Variants in ATP2C2 observed in about 807,000 individuals in gnomAD.
The protein encoded by ATP2C2 is calcium-transporting ATPase type 2C member 2.
Under a neutral mutation model 110.8 loss-of-function variants are expected in ATP2C2, and 171 were observed. The ratio of observed to expected loss-of-function variants is 1.54; its 90% CI spans 1.36 to 1.75. The LOEUF (loss-of-function observed/expected upper bound fraction) is 1.75, where lower values mean the gene tolerates loss of function less well. ATP2C2 is among the 40% of genes most tolerant of loss of function. ATP2C2 has a pLI of 0.00. For synonymous variants in ATP2C2, 804 were observed against 508.4 expected (o/e 1.58, Z -7.82); for missense variants, 1,963 against 1,235.0 (o/e 1.59, Z -8.84).
chr16:84,446,068 T>C (rs1022855505), intron 15 of ATP2C2, among the ~76,000 whole-genome samples: 1 of 152,098 alleles, frequency 6.6e-6, no homozygotes, highest in African/African-American at 2.4e-5. Context: ...GCAGAAACAC[T>C]GCAGGTTTGT....
chr16:84,434,765 G>A (rs997850691), intron 11 of ATP2C2, among the ~76,000 whole-genome samples: 6 of 151,930 alleles, frequency 3.9e-5, no homozygotes, highest in African/African-American at 7.3e-5. Flanking sequence ...TGTTCCATCC[G>A]TTTCTGCGTT....
chr16:84,424,154 G>A (rs942572315), intron 10 of ATP2C2, among the ~76,000 whole-genome samples: 2 of 152,232 alleles, frequency 1.3e-5, no homozygotes, highest in African/African-American at 4.8e-5. Flanking sequence ...GCTGGTGAGT[G>A]TAGCCAAAAC....
intron 11 of ATP2C2, among the ~76,000 whole-genome samples, chr16:84,437,053 C>G (rs416992): frequency 0.36 from 54,733 of 152,048 alleles, 10,194 homozygotes; most frequent in Non-Finnish European, 0.4. Context: ...TGAGCCGCCA[C>G]ACCCGGCCTT....
rs937822624 is a variant in ATP2C2 at position 84,449,490 on chromosome 16, A to G, written c.1660+801A>G. On this transcript the variant is annotated intron_variant, in intron 17 of 26. Transcript: ENST00000262429. ...GTAAATACTGTGCCTCAGTTTCCCC[A>G]TATGCCTAAGGAAGGCAGGAGAGCA... Among the ~76,000 whole-genome samples the G allele has an allele frequency of 5.9e-5, 9 of 152,194 alleles. No individual in the cohort carries two copies. In the East Asian group the frequency reaches 1.3e-3, roughly 23 times the overall value.
intron 24 of ATP2C2, 45 bp downstream of exon 24, chr16:84,460,846 T>G: frequency 1.9e-6 from 3 of 1,567,492 alleles, no homozygotes; most frequent in Non-Finnish European, 1.7e-6. Flanking sequence ...CCTGGTGCGG[T>G]GCAGACGCTG....
chr16:84,412,336 G>A (rs1029920752), intron 6 of ATP2C2, among the ~76,000 whole-genome samples: 8 of 132,868 alleles, frequency 6.0e-5, no homozygotes, highest in African/African-American at 2.2e-4. Context: ...GTGTGTGTCT[G>A]TATGCGTGTG....
intron 16 of ATP2C2, 99 bp downstream of exon 16, chr16:84,446,529 T>A: frequency 1.3e-6 from 1 of 784,514 alleles, no homozygotes; most frequent in Non-Finnish European, 2.0e-6. Context: ...TGAAAGTTCC[T>A]GGCTGCTTCT....
chr16:84,401,822 T>C (rs574663017), intron 2 of ATP2C2, among the ~76,000 whole-genome samples: 1 of 152,340 alleles, frequency 6.6e-6, no homozygotes, highest in Admixed American at 6.5e-5. Flanking sequence ...GGGTCTTTTG[T>C]GGTTCCATAT....
intron 11 of ATP2C2, among the ~76,000 whole-genome samples, chr16:84,435,622 T>C (rs1302631076): frequency 6.6e-6 from 1 of 152,146 alleles, no homozygotes; most frequent in East Asian, 1.9e-4. Context: ...GCCCAGAAGT[T>C]CAAGACCAGC....
intron 1 of ATP2C2, among the ~76,000 whole-genome samples, chr16:84,395,591 C>A (rs1299042678): frequency 6.6e-6 from 1 of 151,912 alleles, no homozygotes; most frequent in East Asian, 1.9e-4. Flanking sequence ...TCATTGCAAC[C>A]TCCGCCTTCC....
At chr16:84,391,798 A>C (rs924829386) in intron 1 of ATP2C2, among the ~76,000 whole-genome samples, 1 of 152,160 alleles carries the variant, frequency 6.6e-6, no homozygotes, top group African/African-American at 2.4e-5. Flanking sequence ...TGTTTGTTAC[A>C]GCCGTGGAGA....
chr16:84,390,540 C>A (rs1904591260), intron 1 of ATP2C2, among the ~76,000 whole-genome samples: 1 of 152,160 alleles, frequency 6.6e-6, no homozygotes, highest in Non-Finnish European at 1.5e-5. Flanking sequence ...CCAAAGGAGG[C>A]ACAGACACAG....
At chr16:84,393,274 C>T (rs990866559) in intron 1 of ATP2C2, among the ~76,000 whole-genome samples, 1 of 152,188 alleles carries the variant, frequency 6.6e-6, no homozygotes, top group African/African-American at 2.4e-5. Context: ...CCCCCGGGCC[C>T]CTATGCATTC....
chr16:84,428,451 A>G (rs1907976883), intron 11 of ATP2C2, among the ~76,000 whole-genome samples: 1 of 152,236 alleles, frequency 6.6e-6, no homozygotes, highest in African/African-American at 2.4e-5. Context: ...TTTTTGAGTT[A>G]ATGGGAATTG....
chr16:84,372,205 C>A (rs894548444), intron 1 of ATP2C2, among the ~76,000 whole-genome samples: 1 of 152,110 alleles, frequency 6.6e-6, no homozygotes, highest in Admixed American at 6.5e-5. Context: ...GATAGTCACT[C>A]ATTTATTCCC....
chr16:84,406,555 C>T lies in ATP2C2; in HGVS notation c.327+1311C>T, dbSNP rs1416877916. ...CCCTGGGCAGCATCCTCTGTCTCCACTCTCCTTGAGGTCCCCTCCCTGATC... is the reference window on the plus strand; with the variant it reads ...CCCTGGGCAGCATCCTCTGTCTCCATTCTCCTTGAGGTCCCCTCCCTGATC... On this transcript the variant is annotated intron_variant, in intron 3 of 26. Coordinates refer to ENST00000262429, the MANE Select transcript of ATP2C2 (RefSeq NM_014861.4). The T allele has an allele frequency of 4.1e-6, 4 of 979,914 alleles. No homozygotes were observed. In the African/African-American group the frequency reaches 5.3e-5, roughly 13 times the overall value. 60.7% of individuals were successfully genotyped at this position (979,914 alleles called of 1,614,324 possible). A position where few individuals can be genotyped will look rare whatever the true frequency, so the allele number is the denominator to read the frequency against.
intron 6 of ATP2C2, among the ~76,000 whole-genome samples, chr16:84,413,098 CA>C (rs35993245): frequency 0.16 from 21,304 of 129,800 alleles, 1,565 homozygotes; most frequent in Non-Finnish European, 0.18. Context: ...AACTCTGTCT[CA>C]AAAAAAAAAA....
intron 3 of ATP2C2, 142 bp from the exon 4 acceptor site, chr16:84,408,263 C>T: frequency 1.3e-6 from 1 of 753,610 alleles, no homozygotes; most frequent in Non-Finnish European, 2.2e-6. Flanking sequence ...GGGTGGTCTC[C>T]CCAGCCCTCG....
intron 1 of ATP2C2, among the ~76,000 whole-genome samples, chr16:84,378,325 C>T (rs757250134): frequency 2.0e-4 from 31 of 152,288 alleles, no homozygotes; most frequent in African/African-American, 5.5e-4. Context: ...AGGGCCCCTC[C>T]GTCGCCGGCC....
Sources: allele counts gnomAD v4.1 joint callset (sites outside exome capture counted in the v4.1 genomes callset), GRCh38; gene constraint gnomAD v4.1.1; transcripts MANE v1.5; gene names NCBI Gene and HGNC (gene_info 2026-07-23, HGNC 2026-07-21).